Variants in DISC1 observed in about 807,000 individuals in gnomAD.
DISC1 encodes disrupted in schizophrenia 1 protein.
Under a neutral mutation model 84.5 loss-of-function variants are expected in DISC1, and 57 were observed. That is an observed-to-expected ratio of 0.67 (90% CI 0.55 to 0.84). DISC1 has a LOEUF of 0.84. Among genes scored for constraint, DISC1 ranks in the 40% least tolerant of loss-of-function variants. The pLI is 0.00. For missense variants in DISC1, 1,000 were observed against 1,057.8 expected (o/e 0.95, Z 0.76); for synonymous variants, 411 against 415.2 (o/e 0.99, Z 0.12).
At chr1:231,657,206 A>G (rs1355273852) in intron 1 of DISC1, among the ~76,000 whole-genome samples, 1 of 152,216 alleles carries the variant, frequency 6.6e-6, no homozygotes, top group Non-Finnish European at 1.5e-5. Context: ...AGGAATCACT[A>G]CACTGTCTTC....
At position 231,900,003 on chromosome 1, in the gene DISC1, T is replaced by C. The variant is rs547618489; in HGVS notation, c.1982-58825T>C. ...TAGGATAGAGATTTTGTTCCCAGAG[T>C]AAAAGCTTCTGAAGCTGTGCAATGC... On this transcript the variant is annotated intron_variant, in intron 9 of 12. Coordinates refer to ENST00000439617, the MANE Select transcript of DISC1 (RefSeq NM_018662.3). Among the ~76,000 whole-genome samples the C allele has an allele frequency of 4.7e-4, 71 of 152,260 alleles. 1 individual carries two copies. In the South Asian group the frequency reaches 0.014, roughly 29 times the overall value.
intron 9 of DISC1, among the ~76,000 whole-genome samples, chr1:231,957,301 C>G (rs1023135859): frequency 6.6e-6 from 1 of 152,180 alleles, no homozygotes; most frequent in Non-Finnish European, 1.5e-5. Context: ...CCTCCGCAAA[C>G]TTTTATGGAG....
At chr1:231,719,238 A>G (rs564590307) in intron 3 of DISC1, among the ~76,000 whole-genome samples, 1 of 152,294 alleles carries the variant, frequency 6.6e-6, no homozygotes, top group Non-Finnish European at 1.5e-5. Context: ...TCTTGGCTAA[A>G]CTGTTAGCCT....
intron 12 of DISC1, 132 bp downstream of exon 12, chr1:232,026,684 C>T: frequency 1.5e-6 from 1 of 669,424 alleles, no homozygotes. Context: ...CAGAGCACCT[C>T]AGATCTCTGA....
chr1:231,651,237 A>C (rs1002251481), intron 1 of DISC1, among the ~76,000 whole-genome samples: 1 of 152,178 alleles, frequency 6.6e-6, no homozygotes, highest in Non-Finnish European at 1.5e-5. Context: ...GGTGACCTAC[A>C]GATGGGGTTT....
intron 3 of DISC1, among the ~76,000 whole-genome samples, chr1:231,713,828 GAT>G (rs1461190692): frequency 3.6e-5 from 5 of 138,762 alleles, no homozygotes; most frequent in African/African-American, 1.3e-4. Flanking sequence ...ATATAGGAGA[GAT>G]ATATATAGGA....
intron 9 of DISC1, among the ~76,000 whole-genome samples, chr1:231,870,197 C>T (rs1373090330): frequency 6.6e-6 from 1 of 152,168 alleles, no homozygotes; most frequent in Non-Finnish European, 1.5e-5. Context: ...ATGGGAACAT[C>T]ACTCCCAGGC....
chr1:231,993,143 A>G (rs6675121), intron 10 of DISC1, among the ~76,000 whole-genome samples: 1,529 of 152,178 alleles, frequency 0.01, 29 homozygotes, highest in African/African-American at 0.035. Flanking sequence ...TTGGATTTCA[A>G]TGGGTGTGGA....
At chr1:231,885,769 A>G (rs571519709) in intron 9 of DISC1, among the ~76,000 whole-genome samples, 6 of 152,244 alleles carry the variant, frequency 3.9e-5, no homozygotes, top group Admixed American at 1.3e-4. Flanking sequence ...AAAGGGGAGG[A>G]GGCAGAGAAA....
chr1:231,996,851 G>A (rs2102944359), intron 10 of DISC1, among the ~76,000 whole-genome samples: 1 of 152,282 alleles, frequency 6.6e-6, no homozygotes, highest in South Asian at 2.1e-4. Flanking sequence ...GTATCTGCTA[G>A]CTGCCTCATT....
intron 6 of DISC1, among the ~76,000 whole-genome samples, chr1:231,780,754 C>A (rs1392405117): frequency 8.0e-5 from 7 of 87,428 alleles, no homozygotes; most frequent in Non-Finnish European, 1.1e-4. Context: ...AGACTTGGAA[C>A]CAACCCAGAT....
In DISC1 at chr1:231,748,697, G is replaced by T. The variant is rs531188740; in HGVS notation, c.1118-1229G>T. The stretch of plus-strand genomic sequence containing the variant: ...TTCATCAGAGATGTTGGCTTCTTTT[G>T]TTGTTGTGTCCTTGTCTCATTTTGG... On this transcript the variant is annotated intron_variant, in intron 3 of 12. Transcript: ENST00000439617. 2.6e-5 allele frequency among the ~76,000 whole-genome samples: 4 copies of T among 152,254 alleles called. No individual in the cohort carries two copies. In the South Asian group the frequency reaches 6.2e-4, roughly 24 times the overall value.
rs988293061 is a variant in DISC1 at position 231,694,814 on chromosome 1, C to T, written c.1047+9C>T. The T allele has an allele frequency of 4.3e-6, 7 of 1,612,468 alleles. No homozygotes were observed. Among genetic ancestry groups the T allele is most frequent in the African/African-American group, 1.3e-5 (1 of 74,926 alleles). ...ACCGGAGGCAGATGGAGGTCAGTGT[C>T]TCTTCCACCTCTGTGGCCCGAGATT... is the stretch of plus-strand genomic sequence containing the variant. On this transcript the variant is annotated intron_variant, in intron 2 of 12. Transcript: ENST00000439617.
rs1024568537 is a variant in DISC1, at chr1:232,040,726, G to T, written c.*3895G>T. The T allele has an allele frequency of 2.6e-5, 4 of 152,170 alleles. No homozygotes were observed. The highest frequency in any genetic ancestry group is 7.2e-5 in the African/African-American group (3 of 41,426). The allele number at this position is 152,170 out of a possible 1,614,324, so 9.4% of individuals were successfully genotyped here. ...TGGAAATCTTGGTTAGGGAGTCAAA[G>T]AAACTGAGCCTGGGGCAAACGAGGC... is the stretch of plus-strand genomic sequence containing the variant. On this transcript the variant is annotated 3_prime_UTR_variant, in exon 13 of 13. Transcript: ENST00000439617.
chr1:232,011,577 GA>G (rs1168452981), intron 11 of DISC1, among the ~76,000 whole-genome samples: 7 of 152,170 alleles, frequency 4.6e-5, no homozygotes, highest in Non-Finnish European at 1.5e-5. Context: ...CCAGAAAACA[GA>G]TAAATTGTTG....
chr1:231,804,944 C>T (rs1275766065), intron 8 of DISC1, among the ~76,000 whole-genome samples: 1 of 151,980 alleles, frequency 6.6e-6, no homozygotes, highest in African/African-American at 2.4e-5. Context: ...GTGGCAACAC[C>T]TTGGGAGTCA....
intron 6 of DISC1, among the ~76,000 whole-genome samples, chr1:231,778,762 G>A (rs1013309281): frequency 6.6e-6 from 1 of 152,138 alleles, no homozygotes; most frequent in Non-Finnish European, 1.5e-5. Flanking sequence ...GGAAATGTAG[G>A]TTCCCAATAA....
At chr1:231,865,619 C>T (rs191673490) in intron 9 of DISC1, among the ~76,000 whole-genome samples, 238 of 152,328 alleles carry the variant, frequency 1.6e-3, no homozygotes, top group African/African-American at 5.5e-3. Context: ...TCTCCCTTCC[C>T]CCAGCCTCTG....
At chr1:231,651,884 AC>A (rs1475922965) in intron 1 of DISC1, among the ~76,000 whole-genome samples, 2 of 152,144 alleles carry the variant, frequency 1.3e-5, no homozygotes, top group African/African-American at 4.8e-5. Context: ...TGGGTGTGGG[AC>A]CTGCTGAGCC....
Sources: allele counts gnomAD v4.1 joint callset (sites outside exome capture counted in the v4.1 genomes callset), GRCh38; gene constraint gnomAD v4.1.1; transcripts MANE v1.5; gene names NCBI Gene and HGNC (gene_info 2026-07-23, HGNC 2026-07-21).